The following EIF4E variants were observed in gnomAD, a reference collection of about 807,000 sequenced individuals.
EIF4E encodes eukaryotic translation initiation factor 4E.
For synonymous variants in EIF4E, 71 were observed against 88.5 expected, an observed-to-expected ratio of 0.80 and a Z score of 1.11; for missense variants, 113 against 265.6, an observed-to-expected ratio of 0.43 and a Z score of 3.99.
intron 1 of EIF4E, chr4:98,909,742 AT>A (rs1175946191): frequency 1.8e-5 from 13 of 705,102 alleles, no homozygotes; most frequent in African/African-American, 1.4e-4. Context: ...TTCAGCTCTC[AT>A]TTTTTTTCTT....
chr4:98,880,949 T>C lies in EIF4E; in HGVS notation c.*79A>G. ...AATTTAAATGCAGTCCACTCTGCTT[T>C]TTGAAGAGGCTTTGGTTCAGCTCCC... On this transcript the variant is annotated 3_prime_UTR_variant, in exon 7 of 7. Coordinates refer to ENST00000450253, the MANE Select transcript of EIF4E (RefSeq NM_001968.5). The C allele has an allele frequency of 6.5e-7, 1 of 1,545,580 alleles. No individual in the cohort carries two copies. Among genetic ancestry groups the C allele is most frequent in the Non-Finnish European group, 8.7e-7 (1 of 1,143,254 alleles).
chr4:98,879,768 CTCA>C lies in EIF4E; in HGVS notation c.*1257_*1259del, dbSNP rs1723597568. The C allele has an allele frequency of 6.6e-6, 1 of 152,120 alleles. No individual in the cohort carries two copies. Among genetic ancestry groups the C allele is most frequent in the African/African-American group, 2.4e-5 (1 of 41,442 alleles). 9.4% of individuals were successfully genotyped at this position (152,120 alleles called of 1,614,324 possible). ...AATGGTGATGCATCAGATCCCAATT[CTCA>C]TGAGTATTAACATATTAAGAGAGTA... On this transcript the variant is annotated 3_prime_UTR_variant, in exon 7 of 7. Coordinates refer to ENST00000450253, the MANE Select transcript of EIF4E (RefSeq NM_001968.5).
Position 98,887,769 on chromosome 4 carries a change from T to C in EIF4E, c.285+120A>G. 1 of 863,634 alleles carries C rather than the reference T, an allele frequency of 1.2e-6. No individual in the cohort carries two copies. The highest frequency in any genetic ancestry group is 1.9e-6 in the Non-Finnish European group (1 of 534,150). The allele number at this position is 863,634 out of a possible 1,614,324, so 53.5% of individuals were successfully genotyped here. ...TGATACTAAAGCATACTACAGCCAA[T>C]TAAATTATCAGCCTATTCATCACAC... On this transcript the variant is annotated intron_variant, in intron 4 of 6. Coordinates refer to ENST00000450253, the MANE Select transcript of EIF4E (RefSeq NM_001968.5). This position sits in a 1 kb window ranked among gnomAD's most constrained non-coding sequence, Gnocchi z 4.0.
chr4:98,919,289 G>A (rs1579184111), intron 1 of EIF4E, among the ~76,000 whole-genome samples: 1 of 148,460 alleles, frequency 6.7e-6, no homozygotes. Flanking sequence ...TGACAACAGA[G>A]TGAGACACCA....
At chr4:98,928,650 G>A (rs1041464095) in intron 1 of EIF4E, among the ~76,000 whole-genome samples, 5 of 152,016 alleles carry the variant, frequency 3.3e-5, no homozygotes, top group African/African-American at 1.2e-4. Flanking sequence ...GGTTCTGCAG[G>A]GAGGGAAAGG....
rs183560594 is a variant in EIF4E, at chr4:98,926,921, T to C, written c.18+2174A>G. ...TGCTGAAACAAAACTGCATAAACTC[T>C]GCAAAACTCAAGGGACCTAAATGTG... On this transcript the variant is annotated intron_variant, in intron 1 of 6. Coordinates refer to ENST00000450253, the MANE Select transcript of EIF4E (RefSeq NM_001968.5). 3.8e-3 allele frequency among the ~76,000 whole-genome samples: 575 copies of C among 152,290 alleles called. 4 individuals carry two copies. The highest frequency in any genetic ancestry group is 0.013 in the African/African-American group (543 of 41,572).
chr4:98,899,438 C>T (rs1037165388), intron 2 of EIF4E, among the ~76,000 whole-genome samples: 1 of 152,072 alleles, frequency 6.6e-6, no homozygotes, highest in Admixed American at 6.5e-5. Context: ...CATGAGTTAG[C>T]AAGGATATAG....
intron 1 of EIF4E, among the ~76,000 whole-genome samples, chr4:98,904,216 T>C (rs1022170149): frequency 6.6e-6 from 1 of 152,066 alleles, no homozygotes; most frequent in African/African-American, 2.4e-5. Context: ...TTGCAGCACT[T>C]TGAGAGGCCA....
chr4:98,928,845 C>T (rs560778195), intron 1 of EIF4E: 2 of 1,533,206 alleles, frequency 1.3e-6, no homozygotes, highest in Admixed American at 2.0e-5. Context: ...CCGCAGGAGG[C>T]GCCACGCCGC....
chr4:98,908,209 T>C (rs914069545), intron 1 of EIF4E, among the ~76,000 whole-genome samples: 11 of 152,010 alleles, frequency 7.2e-5, no homozygotes, highest in South Asian at 2.1e-4. Context: ...ACACAGTAAG[T>C]AGGGATATGA....
chr4:98,919,332 C>CAAAAAAAAAAA (rs376097110), intron 1 of EIF4E, among the ~76,000 whole-genome samples: 1 of 106,874 alleles, frequency 9.4e-6, no homozygotes, highest in Non-Finnish European at 2.0e-5. Context: ...AAAAGACTAG[C>CAAAAAAAAAAA]AAAAAAAAAA....
intron 3 of EIF4E, among the ~76,000 whole-genome samples, chr4:98,889,922 G>A (rs553983587): frequency 3.3e-5 from 5 of 152,094 alleles, no homozygotes; most frequent in Non-Finnish European, 5.9e-5. Context: ...TTTTGATGAT[G>A]GGCAAAGAAT....
chr4:98,914,428 CTAAA>C (rs1438381941), intron 1 of EIF4E, among the ~76,000 whole-genome samples: 2 of 145,350 alleles, frequency 1.4e-5, no homozygotes, highest in Non-Finnish European at 3.0e-5. Context: ...TTAAGAAGTC[CTAAA>C]TAAACTGTAG....
chr4:98,893,864 A>G (rs1429012179), intron 2 of EIF4E, among the ~76,000 whole-genome samples: 1 of 152,242 alleles, frequency 6.6e-6, no homozygotes. Flanking sequence ...CAGATCCATC[A>G]AAGGAATCAC....
At chr4:98,913,282 TAAG>T (rs1264975557) in intron 1 of EIF4E, among the ~76,000 whole-genome samples, 1 of 152,208 alleles carries the variant, frequency 6.6e-6, no homozygotes, top group Non-Finnish European at 1.5e-5. Flanking sequence ...GTAGCTTTAA[TAAG>T]GTCATTTTGT....
chr4:98,892,353 C>CA (rs1358283830), intron 2 of EIF4E, among the ~76,000 whole-genome samples: 14 of 125,562 alleles, frequency 1.1e-4, no homozygotes, highest in Admixed American at 7.1e-4. Flanking sequence ...AAAAAAAAAA[C>CA]AAAAAAAACA....
chr4:98,922,709 T>C (rs1366558517), intron 1 of EIF4E, among the ~76,000 whole-genome samples: 1 of 152,200 alleles, frequency 6.6e-6, no homozygotes, highest in Non-Finnish European at 1.5e-5. Flanking sequence ...AAGGTTTTTT[T>C]AGTTAGTTGC....
chr4:98,927,257 A>T (rs1436406941), intron 1 of EIF4E, among the ~76,000 whole-genome samples: 1 of 152,260 alleles, frequency 6.6e-6, no homozygotes, highest in South Asian at 2.1e-4. Flanking sequence ...GTAAGCAAGC[A>T]GAGAAGCTGC....
chr4:98,884,366 T>A (rs1010461189), intron 6 of EIF4E, among the ~76,000 whole-genome samples: 1 of 152,288 alleles, frequency 6.6e-6, no homozygotes, highest in South Asian at 2.1e-4. Flanking sequence ...CTAGTGGTTA[T>A]ATACTTCACT....
Sources: gnomAD v4.1 joint callset for allele counts (sites outside exome capture counted in the v4.1 genomes callset) on GRCh38, gnomAD v4.1.1 for gene constraint, Gnocchi (gnomAD v3.1) non-coding constraint, MANE v1.5 for transcripts, NCBI Gene and HGNC (gene_info 2026-07-23, HGNC 2026-07-21) for gene names.